The following ASIC2 variants were observed in gnomAD, a reference collection of about 807,000 sequenced individuals.
The protein encoded by ASIC2 is acid sensing ion channel subunit 2.
ASIC2 carries 25 observed loss-of-function variants against 57.3 expected under a neutral mutation model. That is an observed-to-expected ratio of 0.44 (90% CI 0.32 to 0.61). The LOEUF is 0.61. ASIC2 is among the 20% of genes least tolerant of loss of function. ASIC2 has a pLI of 0.06. For synonymous variants in ASIC2, 319 were observed against 307.5 expected (o/e 1.04, Z -0.39); for missense variants, 641 against 738.1 (o/e 0.87, Z 1.52).
At chr17:33,677,962 C>G (rs76909163) in intron 1 of ASIC2, among the ~76,000 whole-genome samples, 1 of 152,046 alleles carries the variant, frequency 6.6e-6, no homozygotes, top group Non-Finnish European at 1.5e-5. Flanking sequence ...AAAATGCTAC[C>G]GAACAGAATT....
intron 1 of ASIC2, among the ~76,000 whole-genome samples, chr17:33,254,011 C>T (rs1462697869): frequency 6.6e-6 from 1 of 152,184 alleles, no homozygotes; most frequent in Non-Finnish European, 1.5e-5. Context: ...TCACAGGGGA[C>T]AGCTGTAGAA....
At chr17:33,239,027 CAA>C (rs903020661) in intron 1 of ASIC2, among the ~76,000 whole-genome samples, 4 of 150,458 alleles carry the variant, frequency 2.7e-5, no homozygotes, top group African/African-American at 9.8e-5. Flanking sequence ...AACAAACAAA[CAA>C]AAAGTCTTAG....
At chr17:33,568,781 C>T (rs962205193) in intron 1 of ASIC2, among the ~76,000 whole-genome samples, 1 of 152,050 alleles carries the variant, frequency 6.6e-6, no homozygotes, top group Non-Finnish European at 1.5e-5. Context: ...TGATATATTC[C>T]TTTACATATA....
intron 1 of ASIC2, among the ~76,000 whole-genome samples, chr17:33,521,729 A>G (rs1210896882): frequency 1.3e-5 from 2 of 152,190 alleles, no homozygotes; most frequent in Non-Finnish European, 2.9e-5. Context: ...ACCTGATGGC[A>G]CTGCTAGGAC....
At chr17:33,113,692 G>A (rs2092269398) in intron 1 of ASIC2, among the ~76,000 whole-genome samples, 1 of 152,248 alleles carries the variant, frequency 6.6e-6, no homozygotes, top group Non-Finnish European at 1.5e-5. Context: ...GCCAGGAACT[G>A]TGCTAGATGC....
intron 1 of ASIC2, among the ~76,000 whole-genome samples, chr17:33,711,246 CA>C (rs940264783): frequency 2.6e-5 from 4 of 152,232 alleles, no homozygotes; most frequent in African/African-American, 7.2e-5. Flanking sequence ...CCTGGCAAAG[CA>C]AGGTGTTCCA....
intron 3 of ASIC2, among the ~76,000 whole-genome samples, chr17:33,071,217 T>G (rs2092067787): frequency 6.6e-6 from 1 of 152,170 alleles, no homozygotes; most frequent in Non-Finnish European, 1.5e-5. Context: ...GCCCCATACT[T>G]CTTGAAACAC....
chr17:33,266,658 G>A (rs774337828), intron 1 of ASIC2, among the ~76,000 whole-genome samples: 1 of 150,532 alleles, frequency 6.6e-6, no homozygotes, highest in African/African-American at 2.4e-5. Context: ...CCCCTTACAC[G>A]TGCATCCCCG....
At chr17:34,107,029 A>G (rs1911087656) in intron 1 of ASIC2, among the ~76,000 whole-genome samples, 1 of 152,214 alleles carries the variant, frequency 6.6e-6, no homozygotes, top group Non-Finnish European at 1.5e-5. Flanking sequence ...AGATATGCAT[A>G]CATGCAGGTG....
At chr17:33,205,956 A>C (rs1039814552) in intron 1 of ASIC2, among the ~76,000 whole-genome samples, 7 of 152,222 alleles carry the variant, frequency 4.6e-5, no homozygotes, top group African/African-American at 1.4e-4. Flanking sequence ...ACATAGTTAC[A>C]TGTAAACAGA....
At chr17:34,039,204 A>G in intron 1 of ASIC2, 1 of 1,613,856 alleles carries the variant, frequency 6.2e-7, no homozygotes, top group Non-Finnish European at 8.5e-7. Context: ...CAGAATTCTT[A>G]CTGTTTTCTA....
At chr17:33,870,626 G>A (rs1235954979) in intron 1 of ASIC2, among the ~76,000 whole-genome samples, 1 of 152,058 alleles carries the variant, frequency 6.6e-6, no homozygotes, top group African/African-American at 2.4e-5. Context: ...GAGTGGGTGG[G>A]TGTGGGGAGA....
At chr17:33,212,338 G>A (rs148788882) in intron 1 of ASIC2, among the ~76,000 whole-genome samples, 1 of 152,304 alleles carries the variant, frequency 6.6e-6, no homozygotes, top group East Asian at 1.9e-4. Context: ...CAGAAGAGGA[G>A]ATGGCACCTA....
At chr17:33,798,628 C>A (rs558481968) in intron 1 of ASIC2, among the ~76,000 whole-genome samples, 1 of 152,156 alleles carries the variant, frequency 6.6e-6, no homozygotes, top group African/African-American at 2.4e-5. Context: ...GTGTTCTGTG[C>A]CGATGGAGGA....
At chr17:33,221,374 C>T (rs1291154395) in intron 1 of ASIC2, among the ~76,000 whole-genome samples, 1 of 152,180 alleles carries the variant, frequency 6.6e-6, no homozygotes, top group Non-Finnish European at 1.5e-5. Context: ...AACATTTTTA[C>T]CCCAAACAAA....
intron 1 of ASIC2, among the ~76,000 whole-genome samples, chr17:33,746,502 A>G (rs1910273770): frequency 6.6e-6 from 1 of 151,254 alleles, no homozygotes; most frequent in Non-Finnish European, 1.5e-5. Flanking sequence ...GTATATATAC[A>G]TATATGTGTG....
chr17:33,476,512 T>TGC (rs1244037814), intron 1 of ASIC2, among the ~76,000 whole-genome samples: 560 of 28,044 alleles, frequency 0.02, 2 homozygotes, highest in South Asian at 0.052. Flanking sequence ...TGCATATATA[T>TGC]ATATATATAT....
chr17:33,331,433 T>C (rs1907308110), intron 1 of ASIC2, among the ~76,000 whole-genome samples: 1 of 152,236 alleles, frequency 6.6e-6, no homozygotes, highest in Non-Finnish European at 1.5e-5. Context: ...TGTTTGCTTT[T>C]GCTCTTAAAA....
chr17:33,484,045 A>C (rs1040762720), intron 1 of ASIC2, among the ~76,000 whole-genome samples: 5 of 152,182 alleles, frequency 3.3e-5, no homozygotes, highest in Admixed American at 6.5e-5. Context: ...AAGCTGAAAA[A>C]GGCAAAGAAA....
Sources: allele counts gnomAD v4.1 joint callset (sites outside exome capture counted in the v4.1 genomes callset), GRCh38; gene constraint gnomAD v4.1.1; transcripts MANE v1.5; gene names NCBI Gene and HGNC (gene_info 2026-07-23, HGNC 2026-07-21).